WNK1: variants seen among roughly 807,000 people sequenced by gnomAD.
The protein encoded by WNK1 is WNK lysine deficient protein kinase 1.
WNK1 carries 38 observed loss-of-function variants against 222.8 expected under a neutral mutation model. The ratio of observed to expected loss-of-function variants is 0.17; its 90% CI spans 0.13 to 0.22. The LOEUF is 0.22. Ranked by LOEUF, WNK1 falls within the 10% of genes least tolerant of loss-of-function variation. The pLI is 1.00. For synonymous variants in WNK1, 1,090 were observed against 1,092.9 expected, an observed-to-expected ratio of 1.00 and a Z score of 0.05; for missense variants, 2,348 against 2,918.4, an observed-to-expected ratio of 0.80 and a Z score of 4.50.
chr12:787,723 C>T (rs1452154584), intron 1 of WNK1, among the ~76,000 whole-genome samples: 4 of 152,062 alleles, frequency 2.6e-5, no homozygotes, highest in Admixed American at 2.6e-4. Context: ...CTGTCTTCTG[C>T]TGGGCTGAGG....
intron 8 of WNK1, among the ~76,000 whole-genome samples, chr12:867,055 G>A (rs753894089): frequency 1.5e-4 from 23 of 152,170 alleles, no homozygotes; most frequent in Non-Finnish European, 2.6e-4. Context: ...CCCAGGAGGC[G>A]GAGGTTGCAG....
intron 26 of WNK1, chr12:904,366 G>A (rs1277085491): frequency 1.9e-6 from 2 of 1,068,688 alleles, no homozygotes; most frequent in African/African-American, 1.6e-5. Flanking sequence ...TCTCTTGCTG[G>A]GCGTTTGTGT....
chr12:884,990 G>T lies in WNK1; in HGVS notation c.4186G>T (p.Gly1396Cys). ...CACCAGCACAGGTGTGGTAACTTCA[G>T]GTGGTCTCCCCATACCACCTGTGTC... ...VATSTGVVTS[G>C]GLPIPPVSES... The change falls in exon 19 of 28, where the codon GGT becomes TGT. Residue 1396 changes from glycine (G) to cysteine (C), a missense_variant. Gly to Cys is a radical substitution (Grantham distance 159). Around this residue, in one of 13 missense-constraint regions of WNK1, gnomAD observed 1,144 missense variants for 1,273.6 expected, o/e 0.90. Coordinates refer to ENST00000315939, the MANE Select transcript of WNK1 (RefSeq NM_018979.4). This position sits in a 1 kb window ranked among gnomAD's most constrained non-coding sequence, Gnocchi z 5.6. 6.2e-7 allele frequency: 1 copy of T among 1,614,184 alleles called. No homozygotes were observed. Among genetic ancestry groups the T allele is most frequent in the Non-Finnish European group, 8.5e-7 (1 of 1,180,022 alleles).
At chr12:809,250 T>TC (rs1208657693) in intron 1 of WNK1, among the ~76,000 whole-genome samples, 242 of 150,084 alleles carry the variant, frequency 1.6e-3, no homozygotes, top group African/African-American at 5.6e-3. Context: ...AAAATTTTTT[T>TC]TTTTTTTGGT....
chr12:799,371 T>C (rs1018633030), intron 1 of WNK1, among the ~76,000 whole-genome samples: 6 of 151,650 alleles, frequency 4.0e-5, no homozygotes, highest in Non-Finnish European at 7.4e-5. Flanking sequence ...GCTCAAGCAA[T>C]CTGGCTGCCT....
intron 1 of WNK1, among the ~76,000 whole-genome samples, chr12:798,419 C>T (rs1945541005): frequency 1.3e-5 from 2 of 152,162 alleles, no homozygotes. Context: ...GTCTCGATCT[C>T]CTGACCTCGT....
chr12:906,241 G>C, intron 26 of WNK1: 1 of 903,288 alleles, frequency 1.1e-6, no homozygotes. Context: ...AAGACAGTGG[G>C]GGGTAAGGAA....
At chr12:860,096 A>G (rs2154064955) in intron 6 of WNK1, among the ~76,000 whole-genome samples, 1 of 152,312 alleles carries the variant, frequency 6.6e-6, no homozygotes, top group Admixed American at 6.5e-5. Context: ...AACTAGTAGA[A>G]TGCATTCCGA....
chr12:875,132 T>C (rs182971917), intron 9 of WNK1, among the ~76,000 whole-genome samples: 76 of 152,320 alleles, frequency 5.0e-4, no homozygotes, highest in African/African-American at 1.8e-3. Context: ...AGCATAGATA[T>C]GTGAAGGTAT....
chr12:908,861 G>GGGGGGGA lies in WNK1; in HGVS notation c.*69_*70insGGGGGGA. On this transcript the variant is annotated 3_prime_UTR_variant, in exon 28 of 28. Coordinates refer to ENST00000315939, the MANE Select transcript of WNK1 (RefSeq NM_018979.4). ...ATGCTGAGGGGGTGGGTGGGGGTGG[G>GGGGGGGA]AAGTAGCCTATATACTAACTACTAG... 3 of 491,844 alleles carry GGGGGGGA rather than the reference G, an allele frequency of 6.1e-6. No homozygotes were observed. Among genetic ancestry groups the GGGGGGGA allele is most frequent in the East Asian group, 6.0e-5 (1 of 16,748 alleles). The allele number at this position is 491,844 out of a possible 1,614,324, so 30.5% of individuals were successfully genotyped here.
At chr12:865,947 A>G (rs1951632646) in intron 8 of WNK1, among the ~76,000 whole-genome samples, 1 of 152,188 alleles carries the variant, frequency 6.6e-6, no homozygotes, top group Non-Finnish European at 1.5e-5. Context: ...GTTTCAACCT[A>G]AGGTGGGACT....
Position 776,021 on chromosome 12 carries a change from G to A in WNK1, c.759+21697G>A, listed in dbSNP as rs117633708. Among the ~76,000 whole-genome samples the A allele has an allele frequency of 1.4e-3, 216 of 152,272 alleles. 1 individual carries two copies. The highest frequency in any genetic ancestry group is 2.6e-3 in the Non-Finnish European group (174 of 68,024). ...CTTGTAGTGCACGTTAAAACTAATAGCTCAGGTTGTCTGTGACCCCAAAGA... is the reference window on the plus strand; with the variant it reads ...CTTGTAGTGCACGTTAAAACTAATAACTCAGGTTGTCTGTGACCCCAAAGA... On this transcript the variant is annotated intron_variant, in intron 1 of 27. Coordinates refer to ENST00000315939, the MANE Select transcript of WNK1 (RefSeq NM_018979.4).
At chr12:810,506 C>T (rs1167795913) in intron 1 of WNK1, among the ~76,000 whole-genome samples, 1 of 152,056 alleles carries the variant, frequency 6.6e-6, no homozygotes, top group Non-Finnish European at 1.5e-5. Flanking sequence ...TTTGGGGATA[C>T]AGTTGTTAGC....
intron 1 of WNK1, among the ~76,000 whole-genome samples, chr12:763,542 TTG>T: frequency 6.8e-6 from 1 of 146,838 alleles, no homozygotes; most frequent in African/African-American, 2.4e-5. Flanking sequence ...TGAGCCAAGA[TTG>T]CGCCATTGCA....
At chr12:786,337 A>G (rs1944301866) in intron 1 of WNK1, among the ~76,000 whole-genome samples, 1 of 152,228 alleles carries the variant, frequency 6.6e-6, no homozygotes. Flanking sequence ...AATGTTATAT[A>G]CGTAAATAAT....
At chr12:908,427 T>C (rs762578057) in intron 27 of WNK1, 48 bp from the exon 28 acceptor site, 18 of 1,590,344 alleles carry the variant, frequency 1.1e-5, no homozygotes, top group Non-Finnish European at 1.5e-5. Context: ...CCACACATTT[T>C]ATACCATGGC....
At chr12:756,759 A>G (rs1420396755) in intron 1 of WNK1, among the ~76,000 whole-genome samples, 1 of 152,226 alleles carries the variant, frequency 6.6e-6, no homozygotes, top group Non-Finnish European at 1.5e-5. Flanking sequence ...GGACAAGCCA[A>G]GGGATTACTA....
At chr12:797,568 A>G (rs188291870) in intron 1 of WNK1, among the ~76,000 whole-genome samples, 1 of 152,284 alleles carries the variant, frequency 6.6e-6, no homozygotes, top group Admixed American at 6.5e-5. Flanking sequence ...TACCTATGCC[A>G]TACTTTTATT....
chr12:834,505 T>C (rs544232614), intron 4 of WNK1, among the ~76,000 whole-genome samples: 2 of 152,280 alleles, frequency 1.3e-5, no homozygotes, highest in South Asian at 4.1e-4. Flanking sequence ...AATGGGCTTG[T>C]GACATGGTAT....
Sources: gnomAD v4.1 joint callset for allele counts (sites outside exome capture counted in the v4.1 genomes callset) on GRCh38, gnomAD v4.1.1 for gene constraint, gnomAD v4.1.1 regional missense constraint, Gnocchi (gnomAD v3.1) non-coding constraint, MANE v1.5 for transcripts, NCBI Gene and HGNC (gene_info 2026-07-23, HGNC 2026-07-21) for gene names.